The following DYNC1H1 variants were observed in gnomAD, a reference collection of about 807,000 sequenced individuals.
DYNC1H1 encodes cytoplasmic dynein 1 heavy chain 1.
A neutral mutation model predicts 527.1 loss-of-function variants in DYNC1H1; 51 were observed. That is an observed-to-expected ratio of 0.10 (90% confidence interval 0.08 to 0.12). The LOEUF (loss-of-function observed/expected upper bound fraction) is 0.12. Among genes scored for constraint, DYNC1H1 ranks in the 10% least tolerant of loss-of-function variants. The pLI is 1.00. For synonymous variants in DYNC1H1, 2,189 were observed against 2,278.8 expected (o/e 0.96, Z 1.12); for missense variants, 2,771 against 5,971.8 (o/e 0.46, Z 17.66).
rs2047712461 is a variant in DYNC1H1, at chr14:101,969,951, ACCC to A, written c.256+5005_256+5007del. ...GAAACCAAAACCCTAGGATTTTAAG[ACCC>A]AGTTGGGAAAAGGATGTTCTAAGGA... On this transcript the variant is annotated intron_variant, in intron 1 of 77. Coordinates refer to ENST00000360184, the MANE Select transcript of DYNC1H1 (RefSeq NM_001376.5). Among the ~76,000 whole-genome samples the A allele has an allele frequency of 2.6e-5, 4 of 152,296 alleles. No homozygotes were observed. In the South Asian group the frequency reaches 8.3e-4, roughly 32 times the overall value.
At chr14:101,968,719 G>C (rs911281720) in intron 1 of DYNC1H1, among the ~76,000 whole-genome samples, 1 of 150,314 alleles carries the variant, frequency 6.7e-6, no homozygotes, top group Non-Finnish European at 1.5e-5. Flanking sequence ...ACACCACCAC[G>C]CCTGGCTCAT....
In DYNC1H1 at chr14:102,002,246, G is replaced by C. The variant is rs113863886; in HGVS notation, c.4543-291G>C. Among the ~76,000 whole-genome samples, 2 of 151,966 alleles carry C rather than the reference G, an allele frequency of 1.3e-5. No homozygotes were observed. Among genetic ancestry groups the C allele is most frequent in the African/African-American group, 2.4e-5 (1 of 41,348 alleles). ...CCGCCTCAGCCTCCCAAGTAGCTGG[G>C]ATTACAGCTACCTGCCACCATGCCT... On this transcript the variant is annotated intron_variant, in intron 21 of 77. Transcript: ENST00000360184. The surrounding 1 kb of genome is among the most constrained non-coding windows in gnomAD (Gnocchi z 4.4).
Position 102,018,950 on chromosome 14 carries a change from A to G in DYNC1H1, c.8343+334A>G, listed in dbSNP as rs2048354916. Among the ~76,000 whole-genome samples, 1 of 152,230 alleles carries G rather than the reference A, an allele frequency of 6.6e-6. No individual in the cohort carries two copies. Among genetic ancestry groups the G allele is most frequent in the Non-Finnish European group, 1.5e-5 (1 of 68,038 alleles). On this transcript the variant is annotated intron_variant, in intron 41 of 77. Coordinates refer to ENST00000360184, the MANE Select transcript of DYNC1H1 (RefSeq NM_001376.5). The surrounding 1 kb of genome is among the most constrained non-coding windows in gnomAD (Gnocchi z 5.2). ...GGTGACAGAGTGAGACTCTACCTCA[A>G]AATAAAATGAGAAGTTTATTGAAAT... is the stretch of plus-strand genomic sequence containing the variant.
intron 34 of DYNC1H1, among the ~76,000 whole-genome samples, chr14:102,013,393 A>C (rs1025785794): frequency 6.6e-6 from 1 of 152,132 alleles, no homozygotes; most frequent in African/African-American, 2.4e-5. Flanking sequence ...GTTGGAGGTT[A>C]AAATGTGAAG....
At chr14:101,972,790 G>A (rs2047754715) in intron 1 of DYNC1H1, among the ~76,000 whole-genome samples, 1 of 152,148 alleles carries the variant, frequency 6.6e-6, no homozygotes. Context: ...ATTATAGAAT[G>A]TTAATTTTAT....
Position 102,042,272 on chromosome 14 carries a change from G to A in DYNC1H1, c.12259G>A (p.Ala4087Thr), listed in dbSNP as rs1394701012. ...CCAAGCAGATAAGGCAATAAACACC[G>A]CTGTAAAGTCGGGCAGGTAGGCCTG... Reference protein sequence around the residue: ...FNQADKAINTAVKSGRWVMLK... With the variant: ...FNQADKAINTTVKSGRWVMLK... The change falls in exon 67 of 78, where the codon GCT becomes ACT. Residue 4087 changes from alanine to threonine, a missense_variant. Physicochemically the swap from Ala to Thr is moderately conservative, Grantham distance 58. Around this residue, in one of 32 missense-constraint regions of DYNC1H1, gnomAD observed 195 missense variants for 428.6 expected, o/e 0.45. Transcript: ENST00000360184. The surrounding 1 kb of genome is among the most constrained non-coding windows in gnomAD (Gnocchi z 5.7). The A allele has an allele frequency of 3.1e-6, 5 of 1,613,938 alleles. No individual in the cohort carries two copies. Among genetic ancestry groups the A allele is most frequent in the Admixed American group, 1.7e-5 (1 of 59,968 alleles).
At chr14:101,996,671 G>C (rs926301745) in intron 15 of DYNC1H1, among the ~76,000 whole-genome samples, 5 of 152,154 alleles carry the variant, frequency 3.3e-5, no homozygotes, top group African/African-American at 1.2e-4. Context: ...ACCCAGGCTG[G>C]AGTGCAGTGG....
chr14:102,008,664 A>G (rs1471500243), intron 29 of DYNC1H1, among the ~76,000 whole-genome samples: 1 of 152,124 alleles, frequency 6.6e-6, no homozygotes, highest in Non-Finnish European at 1.5e-5. Context: ...GTGCACGCCT[A>G]TAATCCCAGC....
At position 102,018,362 on chromosome 14, in the gene DYNC1H1, G is replaced by GC; in HGVS notation, c.8178-86dup. On this transcript the variant is annotated intron_variant, in intron 40 of 77. Coordinates refer to ENST00000360184, the MANE Select transcript of DYNC1H1 (RefSeq NM_001376.5). The surrounding 1 kb of genome is among the most constrained non-coding windows in gnomAD (Gnocchi z 5.2). ...GGTTAGGAAGCGACCTCCAGACAGG[G>GC]CCCTGGACAGGGCGACTCCACTGGC... 1 of 1,550,566 alleles carries GC rather than the reference G, an allele frequency of 6.4e-7. No individual in the cohort carries two copies. Among genetic ancestry groups the GC allele is most frequent in the African/African-American group, 1.4e-5 (1 of 73,706 alleles).
intron 51 of DYNC1H1, among the ~76,000 whole-genome samples, chr14:102,031,196 G>C (rs1042039463): frequency 6.6e-6 from 1 of 152,100 alleles, no homozygotes; most frequent in African/African-American, 2.4e-5. Flanking sequence ...TTTCAGCCTA[G>C]AAAACTATTT....
rs1342367335 is a variant in DYNC1H1 at position 102,051,051 on chromosome 14, T to A, written c.*488T>A. 5 of 220,436 alleles carry A rather than the reference T, an allele frequency of 2.3e-5. No individual in the cohort carries two copies. Among genetic ancestry groups the A allele is most frequent in the Non-Finnish European group, 4.5e-5 (5 of 109,994 alleles). 13.7% of individuals were successfully genotyped at this position (220,436 alleles called of 1,614,324 possible). A position where few individuals can be genotyped will look rare whatever the true frequency, so the allele number is the denominator to read the frequency against. ...ACCTTTAATCGCAGCACTTTGGGAG[T>A]CTGGGAGTTAAAGACCAGCCTCGGC... On this transcript the variant is annotated 3_prime_UTR_variant, in exon 78 of 78. Transcript: ENST00000360184.
Position 102,000,418 on chromosome 14 carries a change from G to A in DYNC1H1, c.4074+19G>A. The A allele has an allele frequency of 6.2e-7, 1 of 1,609,434 alleles. No individual in the cohort carries two copies. The highest frequency in any genetic ancestry group is 8.5e-7 in the Non-Finnish European group (1 of 1,175,818). On this transcript the variant is annotated intron_variant, in intron 18 of 77. Transcript: ENST00000360184. ...TCGAAAGGTATATCATGAAATCGGT[G>A]TTTGTGTACGTCTATTTTAACAGTT...
chr14:102,038,934 G>T lies in DYNC1H1; in HGVS notation c.11207-67G>T. 1 of 1,613,998 alleles carries T rather than the reference G, an allele frequency of 6.2e-7. No individual in the cohort carries two copies. The highest frequency in any genetic ancestry group is 8.5e-7 in the Non-Finnish European group (1 of 1,180,042). ...GTGACTAGGATGTTCCACGTTTGTG[G>T]CAAACACTTCTGAGAGCATACCTTT... On this transcript the variant is annotated intron_variant, in intron 59 of 77. Coordinates refer to ENST00000360184, the MANE Select transcript of DYNC1H1 (RefSeq NM_001376.5). The surrounding 1 kb of genome is among the most constrained non-coding windows in gnomAD (Gnocchi z 7.2).
At position 102,016,302 on chromosome 14, in the gene DYNC1H1, G is replaced by C. The variant is rs2048322095; in HGVS notation, c.7474-47G>C. 1 of 1,610,564 alleles carries C rather than the reference G, an allele frequency of 6.2e-7. No homozygotes were observed. Among genetic ancestry groups the C allele is most frequent in the Non-Finnish European group, 8.5e-7 (1 of 1,177,892 alleles). The stretch of plus-strand genomic sequence containing the variant: ...ACTTTGCTGTAAGTGTCTTTCTTTT[G>C]TTGTTGAAATTTTATAAAAATCAAA... On this transcript the variant is annotated intron_variant, in intron 36 of 77. Coordinates refer to ENST00000360184, the MANE Select transcript of DYNC1H1 (RefSeq NM_001376.5). This position sits in a 1 kb window ranked among gnomAD's most constrained non-coding sequence, Gnocchi z 7.3.
chr14:102,048,107 C>A lies in DYNC1H1; in HGVS notation c.13218+79C>A, dbSNP rs1033821488. On this transcript the variant is annotated intron_variant, in intron 73 of 77. Transcript: ENST00000360184. Reference sequence around the variant, plus strand: ...TGGTCATGGACCATTGTTCCATGGACCATTGGTTCCACTGTGCCGGACGGA... The same window carrying A: ...TGGTCATGGACCATTGTTCCATGGAACATTGGTTCCACTGTGCCGGACGGA... The A allele has an allele frequency of 2.0e-6, 3 of 1,504,934 alleles. No individual in the cohort carries two copies. The South Asian group carries it at 3.6e-5, about 18-fold the overall frequency. The allele number at this position is 1,504,934 out of a possible 1,614,324, so 93.2% of individuals were successfully genotyped here. A position where few individuals can be genotyped will look rare whatever the true frequency, so the allele number is the denominator to read the frequency against.
chr14:102,020,532 C>T lies in DYNC1H1; in HGVS notation c.8507+476C>T, dbSNP rs2048373184. Among the ~76,000 whole-genome samples the T allele has an allele frequency of 6.6e-6, 1 of 152,202 alleles. No individual in the cohort carries two copies. The highest frequency in any genetic ancestry group is 1.5e-5 in the Non-Finnish European group (1 of 68,040). ...GTAACCACCACCCCTCTTCCTGTTTCTCAGTCTGTGTTCTCATCAAAGGCT... is the reference window on the plus strand; with the variant it reads ...GTAACCACCACCCCTCTTCCTGTTTTTCAGTCTGTGTTCTCATCAAAGGCT... On this transcript the variant is annotated intron_variant, in intron 42 of 77. Coordinates refer to ENST00000360184, the MANE Select transcript of DYNC1H1 (RefSeq NM_001376.5). The surrounding 1 kb of genome is among the most constrained non-coding windows in gnomAD (Gnocchi z 4.3).
At position 101,995,175 on chromosome 14, in the gene DYNC1H1, G is replaced by C. The variant is rs1057086412; in HGVS notation, c.3445-6G>C. The stretch of plus-strand genomic sequence containing the variant: ...TGTGATGAAATACTCCCCTCTCTCT[G>C]AACAGTCCCGCCAAGAGTTGGAGCA... On this transcript the variant is annotated splice_region_variant and splice_polypyrimidine_tract_variant and intron_variant, in intron 14 of 77. Coordinates refer to ENST00000360184, the MANE Select transcript of DYNC1H1 (RefSeq NM_001376.5). The C allele has an allele frequency of 1.9e-6, 3 of 1,614,068 alleles. No homozygotes were observed. The highest frequency in any genetic ancestry group is 2.7e-5 in the African/African-American group (2 of 74,930).
Position 102,005,318 on chromosome 14 carries a change from A to G in DYNC1H1, c.5433+82A>G. On this transcript the variant is annotated intron_variant, in intron 26 of 77. Transcript: ENST00000360184. The surrounding 1 kb of genome is among the most constrained non-coding windows in gnomAD (Gnocchi z 4.0). ...ACAGTTAAATGGAAATCATGCTTGAAAAAGGTTTCAGGTAGTATCAAGGAG... is the reference window on the plus strand; with the variant it reads ...ACAGTTAAATGGAAATCATGCTTGAGAAAGGTTTCAGGTAGTATCAAGGAG... 6.3e-7 allele frequency: 1 copy of G among 1,580,912 alleles called. No homozygotes were observed. Among genetic ancestry groups the G allele is most frequent in the East Asian group, 2.2e-5 (1 of 44,734 alleles).
chr14:101,975,772 A>C lies in DYNC1H1; in HGVS notation c.317A>C (p.Asp106Ala). The change falls in exon 2 of 78, where the codon GAC becomes GCC. Residue 106 changes from aspartate to alanine, a missense_variant. Coordinates refer to ENST00000360184, the MANE Select transcript of DYNC1H1 (RefSeq NM_001376.5). ...TTCATTTCCTATAACATCAACATAG[A>C]CATTCATTATGGGGTTAAATCCAAT... is the stretch of plus-strand genomic sequence containing the variant. Reference protein sequence around the residue: ...KEFISYNINIDIHYGVKSNSL... With the variant: ...KEFISYNINIAIHYGVKSNSL... 1.2e-6 allele frequency: 2 copies of C among 1,613,550 alleles called. No individual in the cohort carries two copies. The highest frequency in any genetic ancestry group is 1.7e-6 in the Non-Finnish European group (2 of 1,179,508).
Sources: gnomAD v4.1 joint callset for allele counts (sites outside exome capture counted in the v4.1 genomes callset) on GRCh38, gnomAD v4.1.1 for gene constraint, gnomAD v4.1.1 regional missense constraint, Gnocchi (gnomAD v3.1) non-coding constraint, MANE v1.5 for transcripts, NCBI Gene and HGNC (gene_info 2026-07-23, HGNC 2026-07-21) for gene names.